The following TRAPPC9 variants were observed in gnomAD, a reference collection of about 807,000 sequenced individuals.
The protein encoded by TRAPPC9 is trafficking protein particle complex subunit 9, also known as IKK2 binding protein.
In TRAPPC9, 83 loss-of-function variants were observed where a neutral mutation model predicts 124.0. The observed-to-expected ratio is 0.67, with a 90% CI of 0.56 to 0.80. TRAPPC9 has a LOEUF of 0.80. TRAPPC9 is among the 30% of genes least tolerant of loss of function. The pLI, the probability that TRAPPC9 is intolerant of heterozygous loss-of-function variation, is 0.00. For missense variants in TRAPPC9, 1,302 were observed against 1,508.3 expected (o/e 0.86, Z 2.27); for synonymous variants, 638 against 617.5 (o/e 1.03, Z -0.49).
chr8:140,353,676 G>C lies in TRAPPC9; in HGVS notation c.1495+6374C>G, dbSNP rs2067654971. Among the ~76,000 whole-genome samples the C allele has an allele frequency of 6.6e-6, 1 of 152,228 alleles. No homozygotes were observed. Among genetic ancestry groups the C allele is most frequent in the Admixed American group, 6.5e-5 (1 of 15,286 alleles). ...AGACCTGGTCCATAGGCCACGGTTT[G>C]CCAAACCCTGCTCAAAAGCCTGACC... On this transcript the variant is annotated intron_variant, in intron 9 of 22. Coordinates refer to ENST00000438773, the MANE Select transcript of TRAPPC9 (RefSeq NM_001160372.4). This position sits in a 1 kb window ranked among gnomAD's most constrained non-coding sequence, Gnocchi z 4.2.
At chr8:140,118,485 G>A (rs2060929526) in intron 17 of TRAPPC9, among the ~76,000 whole-genome samples, 1 of 152,188 alleles carries the variant, frequency 6.6e-6, no homozygotes, top group South Asian at 2.1e-4. Context: ...GCCCACAATG[G>A]TCTCCTTCTT....
chr8:139,798,256 C>A (rs1369851781), intron 21 of TRAPPC9, among the ~76,000 whole-genome samples: 1 of 152,078 alleles, frequency 6.6e-6, no homozygotes, highest in African/African-American at 2.4e-5. Flanking sequence ...GTATTTTATT[C>A]TTTTCTGCTG....
At chr8:140,287,456 G>GT (rs1232007834) in intron 13 of TRAPPC9, 152 bp downstream of exon 13, 42 of 1,124,446 alleles carry the variant, frequency 3.7e-5, no homozygotes, top group African/African-American at 6.1e-5. Context: ...CCACGAACAG[G>GT]TTTTTTTCAT....
At chr8:140,059,472 T>C (rs1187011487) in intron 17 of TRAPPC9, among the ~76,000 whole-genome samples, 1 of 152,160 alleles carries the variant, frequency 6.6e-6, no homozygotes, top group East Asian at 1.9e-4. Flanking sequence ...TACCTAGAAG[T>C]GAGTTTGCTT....
chr8:140,184,903 T>G (rs1464569107), intron 17 of TRAPPC9, among the ~76,000 whole-genome samples: 1 of 152,024 alleles, frequency 6.6e-6, no homozygotes. Flanking sequence ...AGCCCATCCC[T>G]CCCCAGAGCA....
At chr8:140,162,493 G>A (rs1001373068) in intron 17 of TRAPPC9, among the ~76,000 whole-genome samples, 10 of 152,196 alleles carry the variant, frequency 6.6e-5, no homozygotes, top group Non-Finnish European at 1.3e-4. Context: ...ACTAAGTCCA[G>A]TGCTTAATAC....
chr8:140,403,623 G>A (rs886118695), intron 6 of TRAPPC9, among the ~76,000 whole-genome samples: 1 of 151,648 alleles, frequency 6.6e-6, no homozygotes, highest in African/African-American at 2.4e-5. Context: ...CTTTTTGGAG[G>A]ACAATACAGG....
intron 15 of TRAPPC9, among the ~76,000 whole-genome samples, chr8:140,261,560 GT>G (rs2064412488): frequency 6.6e-6 from 1 of 152,198 alleles, no homozygotes. Context: ...AAGACTTGCT[GT>G]CCTAGTAGCT....
At chr8:139,747,494 T>A (rs1390482534) in intron 21 of TRAPPC9, among the ~76,000 whole-genome samples, 3 of 82,684 alleles carry the variant, frequency 3.6e-5, no homozygotes, top group African/African-American at 9.5e-5. Flanking sequence ...GTGGGAGGTG[T>A]GCAGGATCAG....
At chr8:140,025,591 AG>A (rs1840095780) in intron 17 of TRAPPC9, among the ~76,000 whole-genome samples, 2 of 151,796 alleles carry the variant, frequency 1.3e-5, no homozygotes, top group Non-Finnish European at 2.9e-5. Context: ...GAAAAGAAAA[AG>A]GAAAAAAAGG....
At chr8:140,281,084 ATGC>A (rs758764226) in intron 14 of TRAPPC9, among the ~76,000 whole-genome samples, 2 of 152,206 alleles carry the variant, frequency 1.3e-5, no homozygotes, top group South Asian at 4.1e-4. Flanking sequence ...ACTGTGAACG[ATGC>A]TGCTATGAAC....
chr8:139,827,273 T>C (rs1480094962), intron 21 of TRAPPC9, among the ~76,000 whole-genome samples: 3 of 152,158 alleles, frequency 2.0e-5, no homozygotes, highest in Admixed American at 6.5e-5. Flanking sequence ...TTCTTCACCA[T>C]CTCAGTATCC....
chr8:140,371,060 T>G lies in TRAPPC9; in HGVS notation c.1255A>C (p.Ser419Arg). The change falls in exon 8 of 23, where the codon AGC becomes CGC. Residue 419 changes from serine to arginine, a missense_variant. Transcript: ENST00000438773. ...GCCCTCCACCCAGGCTCCGCGATGC[T>G]TGGGGCCACGCACTGCATGGCGGCC... ...RVAAMQCVAPSIAEPGWRACY... is the reference protein window; with the variant it reads ...RVAAMQCVAPRIAEPGWRACY... 1 of 1,614,250 alleles carries G rather than the reference T, an allele frequency of 6.2e-7. No individual in the cohort carries two copies. Among genetic ancestry groups the G allele is most frequent in the Non-Finnish European group, 8.5e-7 (1 of 1,180,048 alleles).
intron 21 of TRAPPC9, among the ~76,000 whole-genome samples, chr8:139,876,167 G>A (rs1237146894): frequency 2.0e-5 from 3 of 152,208 alleles, no homozygotes; most frequent in South Asian, 2.1e-4. Flanking sequence ...GCACGTTCTC[G>A]CTGTAGGGAC....
chr8:140,247,696 C>T (rs940034190), intron 16 of TRAPPC9, among the ~76,000 whole-genome samples: 4 of 152,038 alleles, frequency 2.6e-5, no homozygotes, highest in Non-Finnish European at 4.4e-5. Flanking sequence ...CATGCATGTA[C>T]GTTAGATCTT....
At chr8:139,883,154 T>C (rs1829781258) in intron 21 of TRAPPC9, among the ~76,000 whole-genome samples, 1 of 152,036 alleles carries the variant, frequency 6.6e-6, no homozygotes, top group Admixed American at 6.5e-5. Context: ...GGTGACTTTA[T>C]AAGAAAAGGA....
At chr8:139,735,970 C>T (rs1452754753) in intron 21 of TRAPPC9, among the ~76,000 whole-genome samples, 2 of 152,230 alleles carry the variant, frequency 1.3e-5, no homozygotes, top group Non-Finnish European at 2.9e-5. Flanking sequence ...CACACCCTGT[C>T]GGAGCAGGAG....
Position 140,221,523 on chromosome 8 carries a change from C to G in TRAPPC9, c.2492G>C (p.Arg831Pro). The change falls in exon 17 of 23, where the codon CGA becomes CCA. Residue 831 changes from arginine to proline, a missense_variant. Physicochemically the swap from Arg to Pro is moderately radical, Grantham distance 103. This residue lies in a region of TRAPPC9 where 640 missense variants were observed against 679.3 expected (regional missense o/e 0.94). Coordinates refer to ENST00000438773, the MANE Select transcript of TRAPPC9 (RefSeq NM_001160372.4). ...TGGGTTCACAGGTTTGCCCTCCACTCGGGGCCGAACGACCTGCCGAAAAGG... is the reference window on the plus strand; with the variant it reads ...TGGGTTCACAGGTTTGCCCTCCACTGGGGGCCGAACGACCTGCCGAAAAGG... Reference protein sequence around the residue: ...SSPFRQVVRPRVEGKPVNPPE... With the variant: ...SSPFRQVVRPPVEGKPVNPPE... The G allele has an allele frequency of 6.2e-7, 1 of 1,614,152 alleles. No individual in the cohort carries two copies. Among genetic ancestry groups the G allele is most frequent in the South Asian group, 1.1e-5 (1 of 91,076 alleles).
At chr8:139,992,462 G>A (rs574212583) in intron 18 of TRAPPC9, among the ~76,000 whole-genome samples, 40 of 151,954 alleles carry the variant, frequency 2.6e-4, no homozygotes, top group Admixed American at 2.1e-3. Flanking sequence ...AAAAAGTTTT[G>A]AATTTTGGAG....
Sources: gnomAD v4.1 joint callset for allele counts (sites outside exome capture counted in the v4.1 genomes callset) on GRCh38, gnomAD v4.1.1 for gene constraint, gnomAD v4.1.1 regional missense constraint, Gnocchi (gnomAD v3.1) non-coding constraint, MANE v1.5 for transcripts, NCBI Gene and HGNC (gene_info 2026-07-23, HGNC 2026-07-21) for gene names.